CASD1: variants seen among roughly 807,000 people sequenced by gnomAD.
The protein encoded by CASD1 is CAS1 domain sialic acid O acetyltransferase 1.
CASD1 carries 41 observed loss-of-function variants against 100.0 expected under a neutral mutation model. The observed-to-expected ratio is 0.41, with a 90% CI of 0.32 to 0.53. The LOEUF (loss-of-function observed/expected upper bound fraction) is 0.53, where lower values mean the gene tolerates loss of function less well. Ranked by LOEUF, CASD1 falls within the 20% of genes least tolerant of loss-of-function variation. CASD1 has a pLI of 0.25. For missense variants in CASD1, 774 were observed against 948.7 expected, an observed-to-expected ratio of 0.82 and a Z score of 2.42; for synonymous variants, 321 against 315.6, an observed-to-expected ratio of 1.02 and a Z score of -0.18.
chr7:94,546,630 A>G (rs1346243992), intron 12 of CASD1, among the ~76,000 whole-genome samples: 3 of 151,980 alleles, frequency 2.0e-5, no homozygotes, highest in Non-Finnish European at 4.4e-5. Flanking sequence ...ATAATTTTAA[A>G]TATGCATATG....
At chr7:94,515,943 T>C (rs1018034125) in intron 1 of CASD1, among the ~76,000 whole-genome samples, 4 of 152,134 alleles carry the variant, frequency 2.6e-5, no homozygotes, top group African/African-American at 9.6e-5. Context: ...GATTTTACCA[T>C]ATGGCCATTA....
intron 10 of CASD1, 135 bp from the exon 11 acceptor site, chr7:94,544,276 T>C (rs558365624): frequency 1.8e-6 from 2 of 1,090,982 alleles, no homozygotes; most frequent in South Asian, 2.9e-5. Context: ...GACTAACTTT[T>C]GAGAATCAAC....
chr7:94,584,202 T>C, the CASD1 span, among the ~76,000 whole-genome samples: 1 of 152,212 alleles, frequency 6.6e-6, no homozygotes, highest in African/African-American at 2.4e-5. Context: ...GTGCATTACT[T>C]TATTCCTGCT....
At chr7:94,630,595 T>C in the CASD1 span, among the ~76,000 whole-genome samples, 1 of 151,962 alleles carries the variant, frequency 6.6e-6, no homozygotes, top group Non-Finnish European at 1.5e-5. Flanking sequence ...AGACATATGA[T>C]ATGAGTACAT....
intron 6 of CASD1, 105 bp from the exon 7 acceptor site, chr7:94,533,574 A>G: frequency 1.2e-6 from 1 of 838,968 alleles, no homozygotes. Context: ...ATTAAATAAA[A>G]TGAGAAATAT....
chr7:94,553,374 G>C (rs1227474995), intron 16 of CASD1, among the ~76,000 whole-genome samples: 2 of 152,078 alleles, frequency 1.3e-5, no homozygotes, highest in East Asian at 3.9e-4. Flanking sequence ...ATTTAAACTT[G>C]AGTCTTTTTG....
the CASD1 span, among the ~76,000 whole-genome samples, chr7:94,584,339 T>C: frequency 6.6e-6 from 1 of 152,168 alleles, no homozygotes; most frequent in African/African-American, 2.4e-5. Flanking sequence ...GCCATGACAC[T>C]GATGCAATAC....
At chr7:94,534,646 C>T (rs1795029408) in intron 7 of CASD1, among the ~76,000 whole-genome samples, 1 of 151,902 alleles carries the variant, frequency 6.6e-6, no homozygotes, top group South Asian at 2.1e-4. Flanking sequence ...ATATGAAATG[C>T]CATGGATATT....
At chr7:94,606,049 G>A in the CASD1 span, among the ~76,000 whole-genome samples, 5 of 151,854 alleles carry the variant, frequency 3.3e-5, no homozygotes, top group African/African-American at 1.2e-4. Context: ...GGCTGGTCTC[G>A]AACTCCTGAC....
chr7:94,564,533 G>A, the CASD1 span, among the ~76,000 whole-genome samples: 1 of 152,116 alleles, frequency 6.6e-6, no homozygotes, highest in African/African-American at 2.4e-5. Flanking sequence ...ACCCAATTGA[G>A]GCTAACTTCA....
chr7:94,515,142 T>A (rs1793911032), intron 1 of CASD1, among the ~76,000 whole-genome samples: 1 of 152,134 alleles, frequency 6.6e-6, no homozygotes, highest in Non-Finnish European at 1.5e-5. Context: ...AGTTGTCTAC[T>A]TAGCAATCCT....
the CASD1 span, among the ~76,000 whole-genome samples, chr7:94,631,949 C>T: frequency 5.9e-5 from 9 of 151,912 alleles, no homozygotes; most frequent in African/African-American, 1.9e-4. Context: ...ATTTACCTTG[C>T]TATTTTCTCG....
At chr7:94,588,060 C>T in the CASD1 span, 5 of 1,342,698 alleles carry the variant, frequency 3.7e-6, no homozygotes, top group Admixed American at 7.5e-5. Context: ...AATTAGAAGA[C>T]AATCATGAAT....
At chr7:94,561,175 G>A (rs761278446), downstream of CASD1, among the ~76,000 whole-genome samples, 8 of 152,058 alleles carry the variant, frequency 5.3e-5, no homozygotes, top group Admixed American at 6.6e-5. Flanking sequence ...TGAACCCAGA[G>A]GCAGAGGTTG....
intron 3 of CASD1, among the ~76,000 whole-genome samples, chr7:94,520,785 A>G (rs1454646355): frequency 6.6e-6 from 1 of 152,094 alleles, no homozygotes; most frequent in Non-Finnish European, 1.5e-5. Flanking sequence ...GTGAAACCCC[A>G]TCACTACTAA....
chr7:94,587,295 T>C, the CASD1 span: 1 of 991,258 alleles, frequency 1.0e-6, no homozygotes, highest in African/African-American at 1.7e-5. Flanking sequence ...TCTACTCAAG[T>C]TTCCTAATTC....
the CASD1 span, among the ~76,000 whole-genome samples, chr7:94,595,599 A>G: frequency 6.6e-6 from 1 of 152,046 alleles, no homozygotes; most frequent in African/African-American, 2.4e-5. Flanking sequence ...AAAATATAAT[A>G]TCACATTTTA....
chr7:94,575,797 G>T, the CASD1 span, among the ~76,000 whole-genome samples: 2 of 152,182 alleles, frequency 1.3e-5, no homozygotes, highest in Non-Finnish European at 2.9e-5. Context: ...CTTTGAAAAT[G>T]TCATCCCACT....
chr7:94,611,255 A>T, the CASD1 span, among the ~76,000 whole-genome samples: 1 of 152,210 alleles, frequency 6.6e-6, no homozygotes, highest in East Asian at 1.9e-4. Context: ...ATGCTCATCA[A>T]CTTATAAATG....
Sources: gnomAD v4.1 joint callset for allele counts (sites outside exome capture counted in the v4.1 genomes callset) on GRCh38, gnomAD v4.1.1 for gene constraint, MANE v1.5 for transcripts, NCBI Gene and HGNC (gene_info 2026-07-23, HGNC 2026-07-21) for gene names.